Variants in NALF1 observed in about 807,000 individuals in gnomAD.
NALF1 encodes the protein NALCN channel auxiliary factor 1, also known as family with sequence similarity 155 member A.
NALF1 carries 3 observed loss-of-function variants against 48.4 expected under a neutral mutation model. The observed-to-expected ratio is 0.06, with a 90% CI of 0.03 to 0.16. NALF1 has a LOEUF of 0.16. Ranked by LOEUF, NALF1 falls within the 10% of genes least tolerant of loss-of-function variation. The pLI is 1.00. For synonymous variants in NALF1, 262 were observed against 245.7 expected, an observed-to-expected ratio of 1.07 and a Z score of -0.62; for missense variants, 526 against 571.5, an observed-to-expected ratio of 0.92 and a Z score of 0.81.
intron 1 of NALF1, among the ~76,000 whole-genome samples, chr13:107,690,300 G>C (rs1315130201): frequency 2.0e-5 from 3 of 152,146 alleles, no homozygotes; most frequent in African/African-American, 7.2e-5. Flanking sequence ...AAAAAGAAAA[G>C]AAAAAGAGTT....
At chr13:107,828,372 G>A (rs1352034770) in intron 1 of NALF1, among the ~76,000 whole-genome samples, 1 of 152,028 alleles carries the variant, frequency 6.6e-6, no homozygotes, top group African/African-American at 2.4e-5. Flanking sequence ...GTCAGGCCCT[G>A]CACGGCAGCT....
chr13:107,448,200 G>C (rs16970138), intron 1 of NALF1, among the ~76,000 whole-genome samples: 6 of 151,838 alleles, frequency 4.0e-5, no homozygotes, highest in Non-Finnish European at 8.8e-5. Flanking sequence ...TCATACCTTC[G>C]ATTCCTGGCT....
At chr13:107,280,018 G>A (rs918715850) in intron 1 of NALF1, among the ~76,000 whole-genome samples, 12 of 151,736 alleles carry the variant, frequency 7.9e-5, no homozygotes, top group African/African-American at 1.2e-4. Context: ...TCTTGAACTC[G>A]TGAGCTCAAC....
In NALF1 at chr13:107,275,449, C is replaced by G. The variant is rs118141612; in HGVS notation, c.916-64694G>C. ...AAACACAGTCAATCAATTCTGTCAA[C>G]CTTGAGAGCCTGTATGGACCCTCAC... On this transcript the variant is annotated intron_variant, in intron 1 of 2. Coordinates refer to ENST00000375915, the MANE Select transcript of NALF1 (RefSeq NM_001080396.3). 6.6e-3 allele frequency among the ~76,000 whole-genome samples: 1,005 copies of G among 152,196 alleles called. 7 individuals are homozygous for G. Among genetic ancestry groups the G allele is most frequent in the Non-Finnish European group, 0.012 (841 of 67,998 alleles).
chr13:107,686,820 G>C (rs144138015), intron 1 of NALF1, among the ~76,000 whole-genome samples: 54 of 152,222 alleles, frequency 3.5e-4, no homozygotes, highest in African/African-American at 1.2e-3. Flanking sequence ...TGAGGGCGTG[G>C]AGAAAAGGAT....
At chr13:107,614,764 CTTTTTTTTT>C (rs1274084664) in intron 1 of NALF1, among the ~76,000 whole-genome samples, 1 of 142,916 alleles carries the variant, frequency 7.0e-6, no homozygotes, top group African/African-American at 2.6e-5. Flanking sequence ...CTCTTTTTTT[CTTTTTTTTT>C]TTTTCTTTCT....
At chr13:107,338,076 C>T (rs1308923432) in intron 1 of NALF1, among the ~76,000 whole-genome samples, 3 of 152,108 alleles carry the variant, frequency 2.0e-5, no homozygotes, top group African/African-American at 7.2e-5. Flanking sequence ...TTTAACATCT[C>T]CAAAATTGGG....
At chr13:107,227,984 G>A (rs148955781) in intron 1 of NALF1, among the ~76,000 whole-genome samples, 64 of 152,194 alleles carry the variant, frequency 4.2e-4, no homozygotes, top group African/African-American at 1.5e-3. Context: ...CAATGAAATC[G>A]CTATTTAATT....
intron 1 of NALF1, among the ~76,000 whole-genome samples, chr13:107,456,745 G>A (rs1052268443): frequency 5.9e-5 from 9 of 152,128 alleles, no homozygotes; most frequent in East Asian, 5.8e-4. Flanking sequence ...ATGCTGGCAC[G>A]TGGTAAGTTT....
chr13:107,249,567 GC>G (rs78511709), intron 1 of NALF1, among the ~76,000 whole-genome samples: 29,634 of 151,902 alleles, frequency 0.2, 3,535 homozygotes, highest in South Asian at 0.41. Context: ...GTAATCAAGA[GC>G]CACCCTGAAG....
intron 1 of NALF1, among the ~76,000 whole-genome samples, chr13:107,630,234 A>G (rs149052266): frequency 1.2e-3 from 183 of 152,260 alleles, no homozygotes; most frequent in African/African-American, 4.3e-3. Context: ...GTTACTTGAA[A>G]CTTTGCTATC....
At chr13:107,705,734 T>C (rs1221793835) in intron 1 of NALF1, among the ~76,000 whole-genome samples, 3 of 152,188 alleles carry the variant, frequency 2.0e-5, no homozygotes, top group Non-Finnish European at 4.4e-5. Context: ...ATTAGCTACC[T>C]ATCTCTGCTG....
intron 1 of NALF1, among the ~76,000 whole-genome samples, chr13:107,745,865 T>C (rs1340507622): frequency 1.3e-5 from 2 of 152,158 alleles, no homozygotes; most frequent in Admixed American, 1.3e-4. Flanking sequence ...TGCTCAACAA[T>C]TGTAATACAA....
At chr13:107,642,644 G>C (rs1442267750) in intron 1 of NALF1, among the ~76,000 whole-genome samples, 1 of 152,004 alleles carries the variant, frequency 6.6e-6, no homozygotes, top group Non-Finnish European at 1.5e-5. Flanking sequence ...TTTTGTGGAA[G>C]GACAGACACC....
chr13:107,427,841 CTAT>C (rs1673883716), intron 1 of NALF1, among the ~76,000 whole-genome samples: 1 of 152,034 alleles, frequency 6.6e-6, no homozygotes, highest in African/African-American at 2.4e-5. Flanking sequence ...CATCTAAATA[CTAT>C]TGAGGATAGA....
At chr13:107,220,606 G>A (rs1364600924) in intron 1 of NALF1, among the ~76,000 whole-genome samples, 1 of 152,140 alleles carries the variant, frequency 6.6e-6, no homozygotes, top group African/African-American at 2.4e-5. Flanking sequence ...TAGGTGCCTT[G>A]GGGAGCAGAG....
At chr13:107,378,890 G>A (rs556304924) in intron 1 of NALF1, among the ~76,000 whole-genome samples, 5 of 152,200 alleles carry the variant, frequency 3.3e-5, no homozygotes, top group African/African-American at 7.2e-5. Flanking sequence ...GTTATGGACA[G>A]AAAAACAAAT....
intron 1 of NALF1, among the ~76,000 whole-genome samples, chr13:107,499,206 T>C (rs763308113): frequency 2.0e-5 from 3 of 152,168 alleles, no homozygotes; most frequent in Admixed American, 6.5e-5. Context: ...AATTTATTAA[T>C]ATAGGACCTA....
rs545735584 is a variant in NALF1, at chr13:107,730,749, G to T, written c.915+134933C>A. On this transcript the variant is annotated intron_variant, in intron 1 of 2. Coordinates refer to ENST00000375915, the MANE Select transcript of NALF1 (RefSeq NM_001080396.3). ...TGGACTTAGGCAACCATCTCCAAAT[G>T]AATCACCACCAATTAACCTTTTATT... 3.9e-5 allele frequency among the ~76,000 whole-genome samples: 6 copies of T among 152,246 alleles called. No individual in the cohort carries two copies. In the South Asian group the frequency reaches 6.2e-4, roughly 16 times the overall value.
Sources: gnomAD v4.1 joint callset for allele counts (sites outside exome capture counted in the v4.1 genomes callset) on GRCh38, gnomAD v4.1.1 for gene constraint, MANE v1.5 for transcripts, NCBI Gene and HGNC (gene_info 2026-07-23, HGNC 2026-07-21) for gene names.